Variants in ERBB4 observed in about 807,000 individuals in gnomAD.
The protein encoded by ERBB4 is erb-b2 receptor tyrosine kinase 4, also known as receptor tyrosine-protein kinase erbB-4.
ERBB4 carries 42 observed loss-of-function variants against 158.0 expected under a neutral mutation model. The observed-to-expected ratio is 0.27, with a 90% CI of 0.21 to 0.34. The LOEUF (loss-of-function observed/expected upper bound fraction) is 0.34. Ranked by LOEUF, ERBB4 falls within the 10% of genes least tolerant of loss-of-function variation. The probability of loss-of-function intolerance (pLI) is 1.00; values close to 1 mark genes in which losing one functional copy is unlikely to be tolerated. For synonymous variants in ERBB4, 583 were observed against 558.7 expected, an observed-to-expected ratio of 1.04 and a Z score of -0.61; for missense variants, 1,333 against 1,624.1, an observed-to-expected ratio of 0.82 and a Z score of 3.08.
chr2:211,649,707 A>G (rs956887457), intron 16 of ERBB4, among the ~76,000 whole-genome samples: 2 of 151,932 alleles, frequency 1.3e-5, no homozygotes, highest in Admixed American at 1.3e-4. Flanking sequence ...CATATGGAAC[A>G]CTTTACTCTG....
At chr2:212,498,213 G>GC (rs947183616) in intron 1 of ERBB4, among the ~76,000 whole-genome samples, 1 of 151,808 alleles carries the variant, frequency 6.6e-6, no homozygotes, top group African/African-American at 2.4e-5. Context: ...CCAACTTCCT[G>GC]CAAGTCCCTT....
chr2:211,963,906 A>C (rs1026959510), intron 2 of ERBB4, among the ~76,000 whole-genome samples: 20 of 152,218 alleles, frequency 1.3e-4, no homozygotes, highest in East Asian at 3.8e-4. Flanking sequence ...CCCAGTAACC[A>C]AACTATTTTA....
intron 16 of ERBB4, among the ~76,000 whole-genome samples, chr2:211,640,181 C>T (rs887330570): frequency 6.6e-6 from 1 of 151,974 alleles, no homozygotes; most frequent in Non-Finnish European, 1.5e-5. Context: ...AAAATGCTAA[C>T]AAAGAGGGAT....
intron 4 of ERBB4, among the ~76,000 whole-genome samples, chr2:211,758,544 C>T (rs1175227308): frequency 1.3e-5 from 2 of 152,146 alleles, no homozygotes; most frequent in Non-Finnish European, 2.9e-5. Context: ...TACTGTGGAA[C>T]AGAATTAGTT....
At chr2:212,005,111 T>C (rs923451137) in intron 2 of ERBB4, among the ~76,000 whole-genome samples, 21 of 152,174 alleles carry the variant, frequency 1.4e-4, no homozygotes, top group Non-Finnish European at 2.5e-4. Context: ...TCCATAAACA[T>C]ACACAATATA....
At chr2:212,504,839 G>GA (rs1691098765) in intron 1 of ERBB4, among the ~76,000 whole-genome samples, 1 of 152,054 alleles carries the variant, frequency 6.6e-6, no homozygotes, top group Non-Finnish European at 1.5e-5. Flanking sequence ...CAAGCTATTT[G>GA]AATAGGGAAT....
intron 20 of ERBB4, among the ~76,000 whole-genome samples, chr2:211,461,039 C>T (rs1204176516): frequency 6.6e-6 from 1 of 151,666 alleles, no homozygotes; most frequent in African/African-American, 2.4e-5. Context: ...TTATATTAGA[C>T]AGCTAGCACT....
At chr2:212,123,624 T>A (rs953458390) in intron 2 of ERBB4, among the ~76,000 whole-genome samples, 2 of 152,194 alleles carry the variant, frequency 1.3e-5, no homozygotes, top group Non-Finnish European at 2.9e-5. Context: ...GCTTTACTAG[T>A]CCAACTATGA....
chr2:212,275,972 C>T (rs965126943), intron 1 of ERBB4, among the ~76,000 whole-genome samples: 3 of 151,770 alleles, frequency 2.0e-5, no homozygotes, highest in African/African-American at 7.2e-5. Flanking sequence ...TTTTTCCAAA[C>T]TGCAGAAACT....
At chr2:211,911,092 T>C (rs980834388) in intron 3 of ERBB4, among the ~76,000 whole-genome samples, 10 of 152,200 alleles carry the variant, frequency 6.6e-5, no homozygotes, top group Non-Finnish European at 1.3e-4. Context: ...GTAAATGAAC[T>C]CCTTTATTTA....
At chr2:211,674,279 C>T (rs1000588660) in intron 13 of ERBB4, among the ~76,000 whole-genome samples, 5 of 152,034 alleles carry the variant, frequency 3.3e-5, no homozygotes, top group Non-Finnish European at 7.4e-5. Flanking sequence ...ACAGAGATGG[C>T]AATTTTTGAT....
At chr2:212,345,396 C>T (rs1164054298) in intron 1 of ERBB4, among the ~76,000 whole-genome samples, 1 of 151,972 alleles carries the variant, frequency 6.6e-6, no homozygotes, top group East Asian at 1.9e-4. Flanking sequence ...AGCAACTGTG[C>T]TCCCACAGGA....
chr2:212,230,180 G>A (rs1379171708), intron 1 of ERBB4, among the ~76,000 whole-genome samples: 1 of 152,084 alleles, frequency 6.6e-6, no homozygotes, highest in Non-Finnish European at 1.5e-5. Flanking sequence ...AGCTACTCGG[G>A]AGGCTGAGGC....
At chr2:211,900,191 G>A (rs971442053) in intron 3 of ERBB4, among the ~76,000 whole-genome samples, 1 of 152,080 alleles carries the variant, frequency 6.6e-6, no homozygotes, top group Non-Finnish European at 1.5e-5. Context: ...GCTCATTTAC[G>A]AAGAACTTCA....
chr2:212,086,535 TCTAA>T (rs986679184), intron 2 of ERBB4, among the ~76,000 whole-genome samples: 3 of 152,012 alleles, frequency 2.0e-5, no homozygotes, highest in African/African-American at 7.2e-5. Flanking sequence ...CTTCTTTATG[TCTAA>T]CTATTTAATT....
At position 211,424,183 on chromosome 2, in the gene ERBB4, A is replaced by G; in HGVS notation, c.2838T>C (p.Thr946=). 6.2e-7 allele frequency: 1 copy of G among 1,613,388 alleles called. No individual in the cohort carries two copies. Among genetic ancestry groups the G allele is most frequent in the African/African-American group, 1.3e-5 (1 of 74,988 alleles). Residue 946 remains threonine (T), a synonymous_variant, in exon 23 of 28, where the codon ACT becomes ACC. Coordinates refer to ENST00000342788, the MANE Select transcript of ERBB4 (RefSeq NM_005235.3). ...TGACCATGACCATGTAAACGTCAAT[A>G]GTGCAGATGGGAGGCTGAGGCAAAC... The part of the protein sequence containing the change: ...GERLPQPPIC[T]IDVYMVMVKC...
At chr2:211,651,400 G>A (rs1267664007) in intron 16 of ERBB4, among the ~76,000 whole-genome samples, 1 of 152,114 alleles carries the variant, frequency 6.6e-6, no homozygotes, top group African/African-American at 2.4e-5. Context: ...AGTACCCAGG[G>A]TAGGCAGATG....
intron 20 of ERBB4, among the ~76,000 whole-genome samples, chr2:211,507,764 T>C (rs1486953524): frequency 6.6e-6 from 1 of 152,120 alleles, no homozygotes; most frequent in Non-Finnish European, 1.5e-5. Context: ...CAAAACAGCA[T>C]GGTAGTGGTA....
intron 3 of ERBB4, among the ~76,000 whole-genome samples, chr2:211,888,256 C>T (rs2078856886): frequency 6.6e-6 from 1 of 152,148 alleles, no homozygotes; most frequent in African/African-American, 2.4e-5. Flanking sequence ...ACACAGGCTT[C>T]TGAGATTTCA....
Sources: allele counts gnomAD v4.1 joint callset (sites outside exome capture counted in the v4.1 genomes callset), GRCh38; gene constraint gnomAD v4.1.1; transcripts MANE v1.5; gene names NCBI Gene and HGNC (gene_info 2026-07-23, HGNC 2026-07-21).